ZNF804A: variants seen among roughly 807,000 people sequenced by gnomAD.
ZNF804A encodes the protein zinc finger protein 804A.
ZNF804A carries 2 observed loss-of-function variants against 16.5 expected under a neutral mutation model. That is an observed-to-expected ratio of 0.12 (90% confidence interval 0.05 to 0.38). The LOEUF (loss-of-function observed/expected upper bound fraction) is 0.38, where lower values mean the gene tolerates loss of function less well. Ranked by LOEUF, ZNF804A falls within the 10% of genes least tolerant of loss-of-function variation. ZNF804A has a pLI of 0.99. For missense variants in ZNF804A, 1,473 were observed against 1,390.7 expected (o/e 1.06, Z -0.94); for synonymous variants, 534 against 489.6 (o/e 1.09, Z -1.20).
intron 1 of ZNF804A, among the ~76,000 whole-genome samples, chr2:184,627,129 T>C (rs753045148): frequency 1.3e-5 from 2 of 152,188 alleles, no homozygotes; most frequent in Non-Finnish European, 2.9e-5. Context: ...TAGTCTGGAA[T>C]AATGCCAATA....
intron 2 of ZNF804A, among the ~76,000 whole-genome samples, chr2:184,891,402 C>T (rs536380310): frequency 6.6e-6 from 1 of 152,222 alleles, no homozygotes; most frequent in Non-Finnish European, 1.5e-5. Context: ...CCAATGTTGG[C>T]AGGGTGCTCT....
rs538034745 is a variant in ZNF804A at position 184,649,222 on chromosome 2, C to A, written c.111+50152C>A. The stretch of plus-strand genomic sequence containing the variant: ...ATTAAGGCAGAATTTTTAAAAAAAT[C>A]TTTGAATAAATGAAAATAATAACAA... On this transcript the variant is annotated intron_variant, in intron 1 of 3. Transcript: ENST00000302277. 6.2e-4 allele frequency among the ~76,000 whole-genome samples: 95 copies of A among 152,040 alleles called. 2 individuals carry two copies. In the Middle Eastern group the frequency reaches 0.01, roughly 16 times the overall value.
chr2:184,675,220 A>C (rs1692402362), intron 1 of ZNF804A, among the ~76,000 whole-genome samples: 1 of 151,840 alleles, frequency 6.6e-6, no homozygotes, highest in Non-Finnish European at 1.5e-5. Context: ...ATATATTAGG[A>C]ACATGCATGC....
At chr2:184,770,465 G>A (rs2105768272) in intron 1 of ZNF804A, among the ~76,000 whole-genome samples, 1 of 152,182 alleles carries the variant, frequency 6.6e-6, no homozygotes, top group East Asian at 1.9e-4. Flanking sequence ...CTTTAGGAAT[G>A]CTTTTTAAAA....
At chr2:184,718,815 G>A (rs1451529765) in intron 1 of ZNF804A, among the ~76,000 whole-genome samples, 2 of 152,148 alleles carry the variant, frequency 1.3e-5, no homozygotes, top group Admixed American at 6.5e-5. Flanking sequence ...AGTGTCTGTG[G>A]CTTTTCCAGT....
intron 1 of ZNF804A, among the ~76,000 whole-genome samples, chr2:184,611,404 C>G (rs1691237314): frequency 6.6e-6 from 1 of 151,886 alleles, no homozygotes. Context: ...TATTTTAGGG[C>G]TAAATATTTA....
chr2:184,601,441 G>T (rs1419942271), intron 1 of ZNF804A, among the ~76,000 whole-genome samples: 1 of 151,848 alleles, frequency 6.6e-6, no homozygotes, highest in Non-Finnish European at 1.5e-5. Context: ...CTAAAAATTA[G>T]CAACTCAATA....
At chr2:184,834,198 C>A (rs1695307391) in intron 1 of ZNF804A, among the ~76,000 whole-genome samples, 1 of 151,974 alleles carries the variant, frequency 6.6e-6, no homozygotes, top group African/African-American at 2.4e-5. Flanking sequence ...CCTATTATAT[C>A]TGATGGTTTA....
intron 1 of ZNF804A, among the ~76,000 whole-genome samples, chr2:184,742,401 A>G (rs1351231382): frequency 6.6e-6 from 1 of 152,066 alleles, no homozygotes; most frequent in East Asian, 1.9e-4. Flanking sequence ...AGTACCTGAC[A>G]GCTGCCTTTG....
At chr2:184,677,067 A>G (rs1692449070) in intron 1 of ZNF804A, among the ~76,000 whole-genome samples, 1 of 151,894 alleles carries the variant, frequency 6.6e-6, no homozygotes, top group African/African-American at 2.4e-5. Flanking sequence ...CAAAAAAGAA[A>G]AAAAACATTT....
intron 1 of ZNF804A, among the ~76,000 whole-genome samples, chr2:184,823,233 G>C (rs555208951): frequency 1.0e-3 from 155 of 151,976 alleles, no homozygotes; most frequent in Middle Eastern, 6.8e-3. Context: ...GGCAGAAAGG[G>C]CCCACCTAGA....
intron 1 of ZNF804A, among the ~76,000 whole-genome samples, chr2:184,823,409 C>G (rs1359089226): frequency 1.3e-5 from 2 of 152,098 alleles, no homozygotes; most frequent in Admixed American, 1.3e-4. Context: ...CATAGAAGTT[C>G]TCTGATCACA....
chr2:184,917,580 C>A (rs1302942437), intron 2 of ZNF804A, among the ~76,000 whole-genome samples: 2 of 151,752 alleles, frequency 1.3e-5, no homozygotes, highest in Non-Finnish European at 2.9e-5. Context: ...ACCATATTCC[C>A]AAAACGTATA....
At chr2:184,837,920 A>G (rs559696985) in intron 1 of ZNF804A, among the ~76,000 whole-genome samples, 3 of 152,248 alleles carry the variant, frequency 2.0e-5, no homozygotes, top group African/African-American at 7.2e-5. Context: ...TATGATCACC[A>G]TAGCCTTTGG....
chr2:184,878,761 T>C (rs1268303671), intron 2 of ZNF804A, among the ~76,000 whole-genome samples: 2 of 152,106 alleles, frequency 1.3e-5, no homozygotes, highest in African/African-American at 4.8e-5. Flanking sequence ...ATAGAAATTT[T>C]TCACCCAATA....
At chr2:184,857,876 A>C (rs1389272307) in intron 1 of ZNF804A, among the ~76,000 whole-genome samples, 1 of 152,120 alleles carries the variant, frequency 6.6e-6, no homozygotes, top group African/African-American at 2.4e-5. Flanking sequence ...TAAAGGAAGC[A>C]CATAGTTGGG....
intron 1 of ZNF804A, among the ~76,000 whole-genome samples, chr2:184,723,642 G>A (rs1406550531): frequency 6.6e-6 from 1 of 151,660 alleles, no homozygotes; most frequent in African/African-American, 2.4e-5. Context: ...CATTTTTTAA[G>A]TAAGCTCTTT....
At chr2:184,830,593 C>CA (rs1695247735) in intron 1 of ZNF804A, among the ~76,000 whole-genome samples, 1 of 151,960 alleles carries the variant, frequency 6.6e-6, no homozygotes, top group African/African-American at 2.4e-5. Context: ...GAAATGCTAA[C>CA]GTAAGTATCT....
chr2:184,752,341 A>G (rs1184011095), intron 1 of ZNF804A, among the ~76,000 whole-genome samples: 1 of 151,684 alleles, frequency 6.6e-6, no homozygotes, highest in African/African-American at 2.4e-5. Flanking sequence ...GCATGGATGG[A>G]GCTGAAGGTC....
Sources: allele counts gnomAD v4.1 joint callset (sites outside exome capture counted in the v4.1 genomes callset), GRCh38; gene constraint gnomAD v4.1.1; transcripts MANE v1.5; gene names NCBI Gene and HGNC (gene_info 2026-07-23, HGNC 2026-07-21).